Variants in PLA2G4C observed in about 807,000 individuals in gnomAD.
PLA2G4C encodes cytosolic phospholipase A2 gamma.
A neutral mutation model predicts 73.8 loss-of-function variants in PLA2G4C; 64 were observed. The observed-to-expected ratio is 0.87, with a 90% CI of 0.71 to 1.07. The LOEUF is 1.07. PLA2G4C is among the 50% of genes least tolerant of loss of function. PLA2G4C has a pLI of 0.00. For synonymous variants in PLA2G4C, 254 were observed against 252.1 expected (o/e 1.01, Z -0.07); for missense variants, 622 against 665.4 (o/e 0.93, Z 0.72).
chr19:48,061,830 C>T (rs10469296), intron 14 of PLA2G4C, 168 bp downstream of exon 14: 547,412 of 681,270 alleles, frequency 0.8, 220,496 homozygotes, highest in Admixed American at 0.86. Context: ...TGTGGCCGAC[C>T]GCGGGTGCTT....
chr19:48,088,164 G>A (rs1400535368), intron 9 of PLA2G4C, among the ~76,000 whole-genome samples: 1 of 152,058 alleles, frequency 6.6e-6, no homozygotes, highest in East Asian at 1.9e-4. Flanking sequence ...TAAGCTTCAA[G>A]AGTCTTCTAC....
rs2122160041 is a variant in PLA2G4C, at chr19:48,106,562, C to T, written c.-33G>A. The T allele has an allele frequency of 6.2e-7, 1 of 1,612,772 alleles. No individual in the cohort carries two copies. Reference sequence around the variant, plus strand: ...TGCGGTCAGAAAATTCTCAGTCCTCCTGCCAAAGAAATGGCTCTTCTTAGT... The same window carrying T: ...TGCGGTCAGAAAATTCTCAGTCCTCTTGCCAAAGAAATGGCTCTTCTTAGT... On this transcript the variant is annotated 5_prime_UTR_variant, in exon 2 of 3. Transcript: ENST00000596138.
chr19:48,073,436 A>G (rs1483021051), intron 12 of PLA2G4C, among the ~76,000 whole-genome samples: 2 of 151,910 alleles, frequency 1.3e-5, no homozygotes, highest in Admixed American at 6.6e-5. Context: ...CTAGACCATG[A>G]GTCCTCCAGG....
intron 14 of PLA2G4C, among the ~76,000 whole-genome samples, chr19:48,059,140 G>T (rs1460100753): frequency 6.6e-6 from 1 of 151,774 alleles, no homozygotes; most frequent in Non-Finnish European, 1.5e-5. Context: ...GTGTGGTGGC[G>T]CATGCCTGTA....
At chr19:48,074,989 C>G in intron 11 of PLA2G4C, 115 bp from the exon 12 acceptor site, 1 of 636,682 alleles carries the variant, frequency 1.6e-6, no homozygotes, top group Non-Finnish European at 2.7e-6. Context: ...CTGAGGTGAC[C>G]TCCTTCTCCA....
At position 48,110,538 on chromosome 19, in the gene PLA2G4C, G is replaced by C; in HGVS notation, c.-84C>G. 6.5e-7 allele frequency: 1 copy of C among 1,532,828 alleles called. No individual in the cohort carries two copies. The highest frequency in any genetic ancestry group is 8.8e-7 in the Non-Finnish European group (1 of 1,142,594). The allele number at this position is 1,532,828 out of a possible 1,614,324, so 95.0% of individuals were successfully genotyped here. On this transcript the variant is annotated 5_prime_UTR_variant, in exon 1 of 17. Coordinates refer to ENST00000599921, the MANE Select transcript of PLA2G4C (RefSeq NM_003706.3). ...CATGCGCGGTGGAGCTTGTGCTCCG[G>C]AATCCGGTGCGGAGGCTTGGGCTCC...
rs1171271257 is a variant in PLA2G4C, at chr19:48,057,483, CTTTTT to C, written c.1258-2439_1258-2435del. 3.0e-3 allele frequency among the ~76,000 whole-genome samples: 54 copies of C among 17,910 alleles called. 1 individual carries two copies. Among genetic ancestry groups the C allele is most frequent in the Middle Eastern group, 0.062 (2 of 32 alleles). The allele number at this position is 17,910 out of a possible 152,430, so 11.7% of individuals were successfully genotyped here. A position where few individuals can be genotyped will look rare whatever the true frequency, so the allele number is the denominator to read the frequency against. ...TCTTCTTCTTCTTCTTCTTCTTCTT[CTTTTT>C]TTTTTTTTTTTTTTTTTTTTTGACA... On this transcript the variant is annotated intron_variant, in intron 14 of 16. Transcript: ENST00000599921.
intron 4 of PLA2G4C, among the ~76,000 whole-genome samples, chr19:48,101,585 A>G (rs542738357): frequency 6.6e-6 from 1 of 152,224 alleles, no homozygotes; most frequent in South Asian, 2.1e-4. Context: ...ATTAGCTTAA[A>G]TTTAAACACT....
intron 12 of PLA2G4C, among the ~76,000 whole-genome samples, chr19:48,073,434 T>C (rs747423557): frequency 6.3e-4 from 95 of 151,952 alleles, no homozygotes; most frequent in Admixed American, 2.0e-4. Flanking sequence ...CTCTAGACCA[T>C]GAGTCCTCCA....
chr19:48,067,902 G>C lies in PLA2G4C; in HGVS notation c.1007-16C>G. On this transcript the variant is annotated splice_polypyrimidine_tract_variant and intron_variant, in intron 12 of 16. Transcript: ENST00000599921. Reference sequence around the variant, plus strand: ...CTGAGTGAGCCTAGGGAAAGAAGCCGAGACAGCCAAGGTGAGTTCAGGAGA... The same window carrying C: ...CTGAGTGAGCCTAGGGAAAGAAGCCCAGACAGCCAAGGTGAGTTCAGGAGA... The C allele has an allele frequency of 1.3e-6, 2 of 1,581,624 alleles. No individual in the cohort carries two copies. The highest frequency in any genetic ancestry group is 1.7e-6 in the Non-Finnish European group (2 of 1,150,404).
chr19:48,052,903 C>T, intron 16 of PLA2G4C, 94 bp downstream of exon 16: 2 of 1,349,390 alleles, frequency 1.5e-6, no homozygotes, highest in Non-Finnish European at 2.0e-6. Flanking sequence ...CTTTTTTCAC[C>T]CATGCAACCC....
At chr19:48,098,044 G>C (rs902918251) in intron 6 of PLA2G4C, 95 bp downstream of exon 6, 36 of 1,371,360 alleles carry the variant, frequency 2.6e-5, no homozygotes, top group Admixed American at 2.0e-4. Context: ...CCTCTTCCTG[G>C]GCTCCCCAAG....
At chr19:48,097,806 A>T in intron 6 of PLA2G4C, 1 of 240,458 alleles carries the variant, frequency 4.2e-6, no homozygotes, top group Non-Finnish European at 8.0e-6. Context: ...TTGTTTTGAG[A>T]TGGGATCTCA....
chr19:48,083,947 C>G (rs755412256), intron 10 of PLA2G4C, among the ~76,000 whole-genome samples: 1 of 151,824 alleles, frequency 6.6e-6, no homozygotes, highest in Non-Finnish European at 1.5e-5. Context: ...TTTCCATGAC[C>G]CGGTGGCTCT....
chr19:48,069,011 G>A (rs1679157003), intron 12 of PLA2G4C, among the ~76,000 whole-genome samples: 1 of 139,976 alleles, frequency 7.1e-6, no homozygotes, highest in Non-Finnish European at 1.5e-5. Flanking sequence ...AGGGGTTCGA[G>A]ACCAGCCTGG....
chr19:48,068,056 C>T, intron 12 of PLA2G4C, 170 bp from the exon 13 acceptor site: 1 of 606,594 alleles, frequency 1.6e-6, no homozygotes, highest in Non-Finnish European at 3.0e-6. Flanking sequence ...GTCATCCCAG[C>T]ACTTTGGGAG....
intron 13 of PLA2G4C, 196 bp from the exon 14 acceptor site, chr19:48,062,348 C>T (rs904753421): frequency 5.8e-5 from 28 of 485,036 alleles, no homozygotes; most frequent in African/African-American, 3.9e-4. Flanking sequence ...CGGTGCCTCA[C>T]ACCTGAAATC....
chr19:48,060,561 G>A (rs1300682873), intron 14 of PLA2G4C, among the ~76,000 whole-genome samples: 2 of 152,154 alleles, frequency 1.3e-5, no homozygotes, highest in South Asian at 2.1e-4. Flanking sequence ...GATCTCCTGC[G>A]AGCCAGATGA....
Position 48,053,016 on chromosome 19 carries a change from C to T in PLA2G4C, c.1561G>A (p.Glu521Lys). 6.2e-7 allele frequency: 1 copy of T among 1,612,912 alleles called. No individual in the cohort carries two copies. The highest frequency in any genetic ancestry group is 8.5e-7 in the Non-Finnish European group (1 of 1,179,022). The change falls in exon 16 of 17, where the codon GAG becomes AAG. Residue 521 changes from glutamate to lysine, a missense_variant. Transcript: ENST00000599921. ...ACCTACCCGGCCACGTTCATCAACT[C>T]TCTAAGGATCTTCTTCTTGTTTTCC... ...VRENKKKILR[E>K]LMNVAGLYYP...
Sources: allele counts gnomAD v4.1 joint callset (sites outside exome capture counted in the v4.1 genomes callset), GRCh38; gene constraint gnomAD v4.1.1; transcripts MANE v1.5; gene names NCBI Gene and HGNC (gene_info 2026-07-23, HGNC 2026-07-21).